Variants in RTN1 observed in about 807,000 individuals in gnomAD.
RTN1 encodes the protein reticulon-1.
Under a neutral mutation model 65.5 loss-of-function variants are expected in RTN1, and 25 were observed. The observed-to-expected ratio is 0.38, with a 90% CI of 0.28 to 0.53. The LOEUF (loss-of-function observed/expected upper bound fraction) is 0.53. RTN1 is among the 20% of genes least tolerant of loss of function. The pLI is 0.79. For synonymous variants in RTN1, 471 were observed against 447.6 expected (o/e 1.05, Z -0.66); for missense variants, 983 against 1,025.4 (o/e 0.96, Z 0.57).
At chr14:59,821,885 CT>C (rs1886950463) in intron 1 of RTN1, among the ~76,000 whole-genome samples, 1 of 152,130 alleles carries the variant, frequency 6.6e-6, no homozygotes. Context: ...AGTGGATTAG[CT>C]TTTTGATCTG....
At chr14:59,854,485 A>C (rs1466100721) in intron 1 of RTN1, among the ~76,000 whole-genome samples, 1 of 151,956 alleles carries the variant, frequency 6.6e-6, no homozygotes, top group East Asian at 2.0e-4. Flanking sequence ...TACTAAAAAC[A>C]CAAAAATTAG....
intron 1 of RTN1, among the ~76,000 whole-genome samples, chr14:59,822,199 G>T (rs1886955540): frequency 6.6e-6 from 1 of 152,134 alleles, no homozygotes; most frequent in Non-Finnish European, 1.5e-5. Flanking sequence ...CTTGTTATTG[G>T]TCTGTTCAGG....
intron 5 of RTN1, chr14:59,604,960 C>A: frequency 6.5e-6 from 1 of 153,928 alleles, no homozygotes; most frequent in Non-Finnish European, 1.4e-5. Context: ...TTAGTAGAAT[C>A]TAGAGTTTCC....
chr14:59,749,134 A>ATATATCTATCTATATCTATC lies in RTN1; in HGVS notation c.242-2654_242-2653insGATAGATATAGATAGATATA, dbSNP rs1885300093. ...TATATATATATATATAGATATATCT[A>ATATATCTATCTATATCTATC]TATCTATCTATCTATCTATCTATAT... is the stretch of plus-strand genomic sequence containing the variant. On this transcript the variant is annotated intron_variant, in intron 1 of 8. Transcript: ENST00000267484. 4.6e-5 allele frequency among the ~76,000 whole-genome samples: 3 copies of ATATATCTATCTATATCTATC among 64,938 alleles called. No individual in the cohort carries two copies. In the East Asian group the frequency reaches 1.2e-3, roughly 26 times the overall value. 42.6% of individuals were successfully genotyped at this position (64,938 alleles called of 152,430 possible). A position where few individuals can be genotyped will look rare whatever the true frequency, so the allele number is the denominator to read the frequency against.
At chr14:59,601,563 TC>T (rs1170063098) in intron 8 of RTN1, among the ~76,000 whole-genome samples, 2 of 152,214 alleles carry the variant, frequency 1.3e-5, no homozygotes, top group Non-Finnish European at 2.9e-5. Context: ...CAGGTACTCC[TC>T]TTTTTGGACT....
intron 3 of RTN1, among the ~76,000 whole-genome samples, chr14:59,715,825 CA>C (rs76299030): frequency 0.18 from 15,846 of 88,154 alleles, 2,691 homozygotes; most frequent in African/African-American, 0.44. Context: ...GACTCCATCT[CA>C]AAAAAAAAAA....
Position 59,763,147 on chromosome 14 carries a change from C to T in RTN1, c.242-16666G>A, listed in dbSNP as rs139538158. On this transcript the variant is annotated intron_variant, in intron 1 of 8. Transcript: ENST00000267484. ...ATTTAACTAACTCTCTCTCTCTCCC[C>T]GTGTACTCAAAATCAGAATAGAGTA... is the stretch of plus-strand genomic sequence containing the variant. 1.4e-3 allele frequency among the ~76,000 whole-genome samples: 219 copies of T among 152,274 alleles called. 3 individuals are homozygous for T. In the East Asian group the frequency reaches 0.037, roughly 25 times the overall value.
chr14:59,750,434 A>T (rs1885470507), intron 1 of RTN1, among the ~76,000 whole-genome samples: 3 of 67,438 alleles, frequency 4.4e-5, no homozygotes, highest in Admixed American at 2.8e-4. Flanking sequence ...ATATATCTAT[A>T]ATATATAATA....
intron 1 of RTN1, among the ~76,000 whole-genome samples, chr14:59,820,764 G>A (rs1164049623): frequency 6.6e-6 from 1 of 152,124 alleles, no homozygotes; most frequent in Non-Finnish European, 1.5e-5. Context: ...TTTGAGTGGG[G>A]ATATAGTCAA....
chr14:59,753,752 TGA>T (rs1167519840), intron 1 of RTN1, among the ~76,000 whole-genome samples: 1 of 152,198 alleles, frequency 6.6e-6, no homozygotes, highest in African/African-American at 2.4e-5. Flanking sequence ...ATGTGGGACC[TGA>T]GAGAGCACAA....
chr14:59,837,839 T>G (rs1428557357), intron 1 of RTN1, among the ~76,000 whole-genome samples: 2 of 152,142 alleles, frequency 1.3e-5, no homozygotes, highest in Non-Finnish European at 2.9e-5. Context: ...AAAAACACTT[T>G]ATTGTTGAAA....
At chr14:59,649,060 A>T (rs1225771761) in intron 3 of RTN1, among the ~76,000 whole-genome samples, 3 of 152,248 alleles carry the variant, frequency 2.0e-5, no homozygotes, top group Non-Finnish European at 4.4e-5. Flanking sequence ...CAAAACAGAT[A>T]TATAGACCAA....
chr14:59,624,299 T>C (rs1256574800), intron 3 of RTN1, among the ~76,000 whole-genome samples: 1 of 152,254 alleles, frequency 6.6e-6, no homozygotes, highest in African/African-American at 2.4e-5. Flanking sequence ...TGCTGTAAGT[T>C]TGGAATATAA....
At chr14:59,655,709 C>A (rs1883108817) in intron 3 of RTN1, among the ~76,000 whole-genome samples, 1 of 152,140 alleles carries the variant, frequency 6.6e-6, no homozygotes, top group Non-Finnish European at 1.5e-5. Flanking sequence ...GGTGCCAAGA[C>A]CATTCAGTGG....
intron 1 of RTN1, among the ~76,000 whole-genome samples, chr14:59,844,205 C>G (rs1887365624): frequency 6.6e-6 from 1 of 152,144 alleles, no homozygotes; most frequent in Non-Finnish European, 1.5e-5. Flanking sequence ...TGTACGCTCC[C>G]GAACTCACGT....
At chr14:59,802,329 C>A (rs1384309246) in intron 1 of RTN1, among the ~76,000 whole-genome samples, 1 of 152,172 alleles carries the variant, frequency 6.6e-6, no homozygotes, top group Non-Finnish European at 1.5e-5. Flanking sequence ...TCAGGTTAAG[C>A]CAAAGACTTC....
intron 1 of RTN1, among the ~76,000 whole-genome samples, chr14:59,747,848 G>A (rs577197120): frequency 2.6e-5 from 4 of 152,004 alleles, no homozygotes; most frequent in East Asian, 1.9e-4. Flanking sequence ...CACACAGTAC[G>A]TACAATATCA....
At position 59,727,561 on chromosome 14, in the gene RTN1, G is replaced by T; in HGVS notation, c.1123C>A (p.Arg375=). The change falls in exon 3 of 9, where the codon CGG becomes AGG. Residue 375 remains arginine, a synonymous_variant. Transcript: ENST00000267484. This position sits in a 1 kb window ranked among gnomAD's most constrained non-coding sequence, Gnocchi z 4.2. The part of the protein sequence containing the change: ...GLSYETAENP[R]PVGQLADRPE... ...CTGTCGGCCAGCTGGCCCACCGGCC[G>T]TGGGTTCTCGGCGGTTTCATACGAT... 7 of 1,611,814 alleles carry T rather than the reference G, an allele frequency of 4.3e-6. No individual in the cohort carries two copies. Among genetic ancestry groups the T allele is most frequent in the Non-Finnish European group, 5.9e-6 (7 of 1,179,448 alleles).
chr14:59,845,510 C>T (rs17096694), intron 1 of RTN1, among the ~76,000 whole-genome samples: 20,282 of 152,156 alleles, frequency 0.13, 1,592 homozygotes, highest in South Asian at 0.25. Context: ...TGGAAGTCTC[C>T]TTAACCTCCC....
Sources: allele counts gnomAD v4.1 joint callset (sites outside exome capture counted in the v4.1 genomes callset), GRCh38; gene constraint gnomAD v4.1.1; non-coding constraint Gnocchi (gnomAD v3.1); transcripts MANE v1.5; gene names NCBI Gene and HGNC (gene_info 2026-07-23, HGNC 2026-07-21).